The following NDUFB6 variants were observed in gnomAD, a reference collection of about 807,000 sequenced individuals.
The protein encoded by NDUFB6 is NADH:ubiquinone oxidoreductase subunit B6.
Under a neutral mutation model 17.5 loss-of-function variants are expected in NDUFB6, and 23 were observed. The ratio of observed to expected loss-of-function variants is 1.31; its 90% CI spans 0.94 to 1.86. The LOEUF (loss-of-function observed/expected upper bound fraction) is 1.86, where lower values mean the gene tolerates loss of function less well. Among genes scored for constraint, NDUFB6 ranks in the 40% most tolerant of loss-of-function variants. NDUFB6 has a pLI of 0.00. For missense variants in NDUFB6, 167 were observed against 153.8 expected (o/e 1.09, Z -0.46); for synonymous variants, 60 against 53.5 (o/e 1.12, Z -0.53).
intron 1 of NDUFB6, 112 bp from the exon 2 acceptor site, chr9:32,571,164 A>C: frequency 1.4e-6 from 1 of 703,274 alleles, no homozygotes; most frequent in Non-Finnish European, 2.4e-6. Flanking sequence ...AAAACTCTAA[A>C]TGGCACATAT....
At chr9:32,567,552 T>A (rs769037681) in intron 2 of NDUFB6, 2 of 410,598 alleles carry the variant, frequency 4.9e-6, no homozygotes, top group East Asian at 1.4e-4. Flanking sequence ...CTTGAACTCC[T>A]CACCTCAGCT....
chr9:32,562,962 G>T (rs1821669118), intron 2 of NDUFB6, among the ~76,000 whole-genome samples: 1 of 152,076 alleles, frequency 6.6e-6, no homozygotes, highest in African/African-American at 2.4e-5. Flanking sequence ...CCTCAATCTG[G>T]AACAATCTTA....
chr9:32,568,708 G>A (rs1204452116), intron 2 of NDUFB6: 1 of 149,048 alleles, frequency 6.7e-6, no homozygotes, highest in African/African-American at 2.7e-5. Context: ...ATATATATGT[G>A]TATGTATATG....
chr9:32,572,747 T>C, intron 1 of NDUFB6, 134 bp downstream of exon 1: 1 of 748,732 alleles, frequency 1.3e-6, no homozygotes, highest in Non-Finnish European at 2.0e-6. Flanking sequence ...AGGAGGACTC[T>C]CGGGACTGGC....
At position 32,553,178 on chromosome 9, in the gene NDUFB6, C is replaced by A. The variant is rs1821349407; in HGVS notation, c.*698G>T. The A allele has an allele frequency of 3.1e-6, 1 of 327,524 alleles. No individual in the cohort carries two copies. The highest frequency in any genetic ancestry group is 5.6e-6 in the Non-Finnish European group (1 of 180,012). 20.3% of individuals were successfully genotyped at this position (327,524 alleles called of 1,614,324 possible). On this transcript the variant is annotated 3_prime_UTR_variant, in exon 4 of 4. Coordinates refer to ENST00000379847, the MANE Select transcript of NDUFB6 (RefSeq NM_002493.5). ...AGCTTTTCAATCAAGTTTCTAAATT[C>A]TTCAAAAATGATTCGGAAAGCTTTT... is the stretch of plus-strand genomic sequence containing the variant.
chr9:32,562,821 A>G (rs577507091), intron 2 of NDUFB6, among the ~76,000 whole-genome samples: 25 of 152,314 alleles, frequency 1.6e-4, no homozygotes, highest in African/African-American at 6.0e-4. Flanking sequence ...ATCCCCTTAC[A>G]TGACATGTTC....
chr9:32,557,209 G>C (rs982382284), intron 3 of NDUFB6, among the ~76,000 whole-genome samples: 1 of 147,160 alleles, frequency 6.8e-6, no homozygotes, highest in African/African-American at 2.5e-5. Flanking sequence ...CTGTGACCCA[G>C]GCTGGAGTGC....
chr9:32,570,414 C>T (rs919884767), intron 2 of NDUFB6, among the ~76,000 whole-genome samples: 36 of 152,168 alleles, frequency 2.4e-4, no homozygotes, highest in Non-Finnish European at 5.9e-5. Context: ...TGCCTGGGAT[C>T]CAACACCCTG....
Position 32,570,970 on chromosome 9 carries a change from T to C in NDUFB6, c.263A>G (p.Tyr88Cys), listed in dbSNP as rs1177982647. Reference protein sequence around the residue: ...PVWIIHYYMKYHVSEKPYGIV... With the variant: ...PVWIIHYYMKCHVSEKPYGIV... ...AAAGGACATACTTACAGAAACATGA[T>C]ACTTCATGTAATAATGAATAATCCA... Residue 88 changes from tyrosine to cysteine, a missense_variant, in exon 2 of 4, where the codon TAT (tyrosine) becomes TGT (cysteine). Tyr to Cys is a radical substitution (Grantham distance 194, BLOSUM62 -2). Transcript: ENST00000379847. The C allele has an allele frequency of 6.4e-7, 1 of 1,574,206 alleles. No individual in the cohort carries two copies. The highest frequency in any genetic ancestry group is 2.3e-5 in the East Asian group (1 of 44,042).
At chr9:32,558,381 G>C (rs1563992522) in intron 3 of NDUFB6, among the ~76,000 whole-genome samples, 1 of 152,160 alleles carries the variant, frequency 6.6e-6, no homozygotes, top group Non-Finnish European at 1.5e-5. Context: ...AAAGTGCTGG[G>C]ATTACAGGCA....
At chr9:32,570,287 C>T (rs1214393290) in intron 2 of NDUFB6, among the ~76,000 whole-genome samples, 2 of 152,118 alleles carry the variant, frequency 1.3e-5, no homozygotes, top group South Asian at 2.1e-4. Context: ...GATCTAACAC[C>T]CCTCTCTTGG....
chr9:32,571,820 G>A (rs931519026), intron 1 of NDUFB6, among the ~76,000 whole-genome samples: 10 of 152,142 alleles, frequency 6.6e-5, no homozygotes, highest in South Asian at 2.1e-4. Flanking sequence ...CCAATATTCC[G>A]ATAATGTCAG....
intron 2 of NDUFB6, among the ~76,000 whole-genome samples, chr9:32,569,599 GA>G (rs1224974520): frequency 6.6e-6 from 1 of 152,146 alleles, no homozygotes; most frequent in Admixed American, 6.5e-5. Flanking sequence ...TTGCAGCCTC[GA>G]AATCCTGGGC....
At chr9:32,570,209 T>C (rs1466246240) in intron 2 of NDUFB6, among the ~76,000 whole-genome samples, 1 of 152,194 alleles carries the variant, frequency 6.6e-6, no homozygotes, top group Non-Finnish European at 1.5e-5. Context: ...CAATATCCTA[T>C]ACTAGGCTGT....
chr9:32,573,121 T>G lies in NDUFB6; in HGVS notation c.-61A>C. 1 of 1,446,698 alleles carries G rather than the reference T, an allele frequency of 6.9e-7. No individual in the cohort carries two copies. The highest frequency in any genetic ancestry group is 9.1e-7 in the Non-Finnish European group (1 of 1,095,904). The allele number at this position is 1,446,698 out of a possible 1,614,324, so 89.6% of individuals were successfully genotyped here. A position where few individuals can be genotyped will look rare whatever the true frequency, so the allele number is the denominator to read the frequency against. ...ACCCTCGAACTACGGACTAGTTACT[T>G]AAGCGCGCTCCCGCTCTGCAAAGCG... On this transcript the variant is annotated 5_prime_UTR_variant, in exon 1 of 4. Transcript: ENST00000379847.
chr9:32,558,000 A>G (rs1264646063), intron 3 of NDUFB6, among the ~76,000 whole-genome samples: 1 of 152,254 alleles, frequency 6.6e-6, no homozygotes, highest in Non-Finnish European at 1.5e-5. Context: ...GTATTCTACT[A>G]TGCTAAACAA....
intron 2 of NDUFB6, among the ~76,000 whole-genome samples, chr9:32,560,115 G>C (rs1314017283): frequency 6.6e-6 from 1 of 152,202 alleles, no homozygotes; most frequent in Non-Finnish European, 1.5e-5. Context: ...GAGAGATGCA[G>C]AATTCAATTA....
At chr9:32,570,478 C>A (rs1355152985) in intron 2 of NDUFB6, among the ~76,000 whole-genome samples, 1 of 152,132 alleles carries the variant, frequency 6.6e-6, no homozygotes, top group Non-Finnish European at 1.5e-5. Context: ...TCAGCCCATG[C>A]AAGATCTGTA....
At chr9:32,562,640 G>C (rs1821657956) in intron 2 of NDUFB6, among the ~76,000 whole-genome samples, 2 of 152,098 alleles carry the variant, frequency 1.3e-5, no homozygotes, top group African/African-American at 2.4e-5. Context: ...TTGCTGACTA[G>C]TTTATTACTC....
Sources: gnomAD v4.1 joint callset for allele counts (sites outside exome capture counted in the v4.1 genomes callset) on GRCh38, gnomAD v4.1.1 for gene constraint, MANE v1.5 for transcripts, NCBI Gene and HGNC (gene_info 2026-07-23, HGNC 2026-07-21) for gene names.